Variants in CNTN5 observed in about 807,000 individuals in gnomAD.
CNTN5 encodes the protein contactin 5.
A neutral mutation model predicts 129.1 loss-of-function variants in CNTN5; 77 were observed. The ratio of observed to expected loss-of-function variants is 0.60; its 90% CI spans 0.50 to 0.72. CNTN5 has a LOEUF of 0.72. Ranked by LOEUF, CNTN5 falls within the 30% of genes least tolerant of loss-of-function variation. The pLI is 0.00. For synonymous variants in CNTN5, 509 were observed against 465.6 expected (o/e 1.09, Z -1.20); for missense variants, 1,478 against 1,328.8 (o/e 1.11, Z -1.75).
intron 2 of CNTN5, among the ~76,000 whole-genome samples, chr11:99,405,586 C>T (rs1942036914): frequency 7.0e-6 from 1 of 143,642 alleles, no homozygotes. Flanking sequence ...GTTAAATTTA[C>T]CTGATAGAAT....
chr11:99,408,256 T>C (rs1942181686), intron 2 of CNTN5, among the ~76,000 whole-genome samples: 2 of 151,094 alleles, frequency 1.3e-5, no homozygotes, highest in South Asian at 4.2e-4. Flanking sequence ...TATTACTCTG[T>C]TGCCCAGGCT....
intron 24 of CNTN5, among the ~76,000 whole-genome samples, chr11:100,354,388 A>G (rs1248957634): frequency 6.6e-6 from 1 of 151,602 alleles, no homozygotes; most frequent in East Asian, 1.9e-4. Flanking sequence ...TTAATCCAAC[A>G]GCGATTCTAA....
At chr11:100,249,518 T>C (rs1287793768) in intron 16 of CNTN5, among the ~76,000 whole-genome samples, 1 of 152,192 alleles carries the variant, frequency 6.6e-6, no homozygotes, top group African/African-American at 2.4e-5. Flanking sequence ...GCATTGTCCC[T>C]GAGGAGGAAA....
chr11:99,270,031 T>A (rs1388472227), intron 1 of CNTN5, among the ~76,000 whole-genome samples: 1 of 151,854 alleles, frequency 6.6e-6, no homozygotes, highest in Non-Finnish European at 1.5e-5. Context: ...GATTGGTGTG[T>A]GTGCCCTTCT....
At chr11:100,001,655 A>G (rs1358862809) in intron 8 of CNTN5, among the ~76,000 whole-genome samples, 3 of 152,248 alleles carry the variant, frequency 2.0e-5, no homozygotes, top group Non-Finnish European at 4.4e-5. Context: ...TAGATATTCA[A>G]TAAATATTTG....
intron 21 of CNTN5, chr11:100,309,279 C>G (rs946477245): frequency 1.0e-6 from 1 of 983,868 alleles, no homozygotes; most frequent in Non-Finnish European, 1.2e-6. Context: ...GTGTCTTGAA[C>G]AATGATCAAG....
At chr11:100,053,143 T>A (rs1201533006) in intron 9 of CNTN5, among the ~76,000 whole-genome samples, 1 of 151,710 alleles carries the variant, frequency 6.6e-6, no homozygotes, top group African/African-American at 2.4e-5. Context: ...TTTCTATGTA[T>A]TCTACAAATA....
At chr11:99,972,869 A>C (rs1937668013) in intron 8 of CNTN5, among the ~76,000 whole-genome samples, 1 of 152,190 alleles carries the variant, frequency 6.6e-6, no homozygotes. Context: ...CATTTTCCAC[A>C]GTACTCCCAG....
intron 3 of CNTN5, among the ~76,000 whole-genome samples, chr11:99,673,465 A>AC (rs1953135874): frequency 6.6e-6 from 1 of 152,138 alleles, no homozygotes; most frequent in Non-Finnish European, 1.5e-5. Flanking sequence ...GTTCAGGGAT[A>AC]TGTGTGCAGG....
rs569639302 is a variant in CNTN5 at position 99,763,910 on chromosome 11, G to A, written c.56-55634G>A. ...GAGAATGTTAGTTCAGTAAGATAAAGGGACAATATGAAATTTCTGACTCCT... is the reference window on the plus strand; with the variant it reads ...GAGAATGTTAGTTCAGTAAGATAAAAGGACAATATGAAATTTCTGACTCCT... On this transcript the variant is annotated intron_variant, in intron 3 of 24. Transcript: ENST00000524871. Among the ~76,000 whole-genome samples, 13 of 152,026 alleles carry A rather than the reference G, an allele frequency of 8.6e-5. No individual in the cohort carries two copies. The East Asian group carries it at 2.3e-3, about 27-fold the overall frequency.
chr11:99,076,264 G>A (rs1865565548), intron 1 of CNTN5, among the ~76,000 whole-genome samples: 1 of 152,140 alleles, frequency 6.6e-6, no homozygotes, highest in Admixed American at 6.6e-5. Context: ...GAACCTGGGA[G>A]CTAGAGGCTG....
At chr11:99,115,952 AAAG>A (rs1294259220) in intron 1 of CNTN5, among the ~76,000 whole-genome samples, 1 of 152,208 alleles carries the variant, frequency 6.6e-6, no homozygotes, top group South Asian at 2.1e-4. Context: ...CTCATTTGTG[AAAG>A]AAGAGGTTTG....
At chr11:100,116,229 C>T (rs1490897764) in intron 13 of CNTN5, among the ~76,000 whole-genome samples, 1 of 152,022 alleles carries the variant, frequency 6.6e-6, no homozygotes, top group African/African-American at 2.4e-5. Context: ...CAGTAGAATT[C>T]ATCCATAATT....
At chr11:99,349,710 T>C (rs944111821) in intron 2 of CNTN5, among the ~76,000 whole-genome samples, 10 of 152,224 alleles carry the variant, frequency 6.6e-5, no homozygotes, top group Admixed American at 6.5e-4. Flanking sequence ...TTAAATAAAA[T>C]TAACTGGAAA....
At chr11:100,022,891 C>G (rs1941231657) in intron 9 of CNTN5, among the ~76,000 whole-genome samples, 1 of 152,102 alleles carries the variant, frequency 6.6e-6, no homozygotes, top group African/African-American at 2.4e-5. Flanking sequence ...TCAGCTGTTA[C>G]TCTTATATCT....
chr11:99,207,641 C>T (rs906452431), intron 1 of CNTN5, among the ~76,000 whole-genome samples: 3 of 151,940 alleles, frequency 2.0e-5, no homozygotes, highest in Admixed American at 6.6e-5. Flanking sequence ...ACTTTGATAA[C>T]GAATACTCTG....
At chr11:99,622,605 G>A (rs1014080126) in intron 3 of CNTN5, among the ~76,000 whole-genome samples, 1 of 151,996 alleles carries the variant, frequency 6.6e-6, no homozygotes, top group Non-Finnish European at 1.5e-5. Flanking sequence ...TCAATGAAAG[G>A]AAGATTTAAG....
At chr11:99,241,317 G>GTTTTTTTTTT (rs1565430527) in intron 1 of CNTN5, among the ~76,000 whole-genome samples, 2 of 60,126 alleles carry the variant, frequency 3.3e-5, no homozygotes, top group African/African-American at 5.5e-5. Flanking sequence ...TTTGATTGTT[G>GTTTTTTTTTT]GTTTTTTTTT....
At chr11:100,146,785 T>A (rs929593682) in intron 13 of CNTN5, among the ~76,000 whole-genome samples, 2 of 152,158 alleles carry the variant, frequency 1.3e-5, no homozygotes, top group Middle Eastern at 3.2e-3. Context: ...ATATAAATGA[T>A]TAGGCAAGGT....
Sources: gnomAD v4.1 joint callset for allele counts (sites outside exome capture counted in the v4.1 genomes callset) on GRCh38, gnomAD v4.1.1 for gene constraint, MANE v1.5 for transcripts, NCBI Gene and HGNC (gene_info 2026-07-23, HGNC 2026-07-21) for gene names.